Variants in EYS observed in about 807,000 individuals in gnomAD.
EYS encodes the protein protein eyes shut homolog.
Under a neutral mutation model 282.1 loss-of-function variants are expected in EYS, and 250 were observed. The observed-to-expected ratio is 0.89, with a 90% confidence interval of 0.80 to 0.98. The LOEUF (loss-of-function observed/expected upper bound fraction) is 0.98. Among genes scored for constraint, EYS ranks in the 50% least tolerant of loss-of-function variants. EYS has a pLI of 0.00. For missense variants in EYS, 4,016 were observed against 3,709.0 expected (o/e 1.08, Z -2.15); for synonymous variants, 1,355 against 1,282.9 (o/e 1.06, Z -1.20).
intron 35 of EYS, among the ~76,000 whole-genome samples, chr6:63,979,224 AT>A (rs1338603393): frequency 2.0e-5 from 3 of 151,906 alleles, no homozygotes; most frequent in Non-Finnish European, 2.9e-5. Context: ...ATTTGTTTAC[AT>A]TTTGTCAGTG....
At chr6:64,977,704 G>T (rs1179707218) in intron 14 of EYS, among the ~76,000 whole-genome samples, 1 of 150,488 alleles carries the variant, frequency 6.6e-6, no homozygotes, top group East Asian at 2.0e-4. Context: ...AATTTAAATT[G>T]CCCCTCCAGT....
At chr6:63,774,487 A>C (rs1356733781) in intron 40 of EYS, among the ~76,000 whole-genome samples, 2 of 152,064 alleles carry the variant, frequency 1.3e-5, no homozygotes, top group Non-Finnish European at 2.9e-5. Context: ...GTTTTTCTTA[A>C]AGGGACACAT....
chr6:65,507,205 AG>A (rs1226690781), intron 2 of EYS, among the ~76,000 whole-genome samples: 1 of 152,004 alleles, frequency 6.6e-6, no homozygotes, highest in Non-Finnish European at 1.5e-5. Context: ...ATAGAATTCT[AG>A]GTTAGTGGGC....
chr6:64,804,421 T>C (rs959681572), intron 22 of EYS, among the ~76,000 whole-genome samples: 8 of 152,162 alleles, frequency 5.3e-5, no homozygotes, highest in Admixed American at 4.6e-4. Context: ...GTGAACCATT[T>C]TTTACTATTT....
chr6:65,250,709 G>C (rs1767297734), intron 12 of EYS, among the ~76,000 whole-genome samples: 1 of 151,520 alleles, frequency 6.6e-6, no homozygotes, highest in African/African-American at 2.4e-5. Flanking sequence ...CAACAATACA[G>C]ATGACCAAAT....
intron 1 of EYS, among the ~76,000 whole-genome samples, chr6:65,688,540 G>T (rs556128168): frequency 1.1e-3 from 169 of 151,852 alleles, no homozygotes; most frequent in Middle Eastern, 0.01. Flanking sequence ...CACCAAAAGC[G>T]ATGGCAACAA....
At chr6:65,084,930 C>T (rs547398225) in intron 12 of EYS, among the ~76,000 whole-genome samples, 28 of 152,156 alleles carry the variant, frequency 1.8e-4, no homozygotes, top group Admixed American at 6.6e-4. Flanking sequence ...AACACCTCAT[C>T]CTGCTGTCTA....
At chr6:64,407,642 T>C (rs1773761755) in intron 28 of EYS, among the ~76,000 whole-genome samples, 1 of 152,188 alleles carries the variant, frequency 6.6e-6, no homozygotes, top group Admixed American at 6.6e-5. Flanking sequence ...TTTTATATGC[T>C]ATTTTAAGAA....
At chr6:65,490,939 T>C (rs1317858357) in intron 4 of EYS, among the ~76,000 whole-genome samples, 1 of 152,134 alleles carries the variant, frequency 6.6e-6, no homozygotes, top group Non-Finnish European at 1.5e-5. Context: ...TTTTCTGGCT[T>C]GTAGTATTTG....
chr6:64,232,706 AAAG>A (rs1766463267), intron 30 of EYS, among the ~76,000 whole-genome samples: 1 of 152,160 alleles, frequency 6.6e-6, no homozygotes, highest in South Asian at 2.1e-4. Flanking sequence ...CCACACTACT[AAAG>A]AAGAACAATA....
chr6:64,481,286 A>G (rs1287437569), intron 26 of EYS, among the ~76,000 whole-genome samples: 1 of 147,952 alleles, frequency 6.8e-6, no homozygotes, highest in African/African-American at 2.5e-5. Context: ...ATATATATAT[A>G]TATATATATA....
intron 31 of EYS, among the ~76,000 whole-genome samples, chr6:64,174,173 A>T (rs1764558946): frequency 6.6e-6 from 1 of 152,120 alleles, no homozygotes; most frequent in South Asian, 2.1e-4. Context: ...TTTAAATAAA[A>T]TATCTGGCCA....
In EYS at chr6:64,590,227, A is replaced by T. The variant is rs2149830876; in HGVS notation, c.5640T>A (p.Ile1880=). Residue 1880 remains isoleucine, a synonymous_variant, in exon 26 of 43, where the codon ATT becomes ATA. Transcript: ENST00000503581. ...ESILAPQRLM[I]SDFSCVRYYG... is the part of the protein sequence containing the mutation. Reference sequence around the variant, plus strand: ...AACAGAAACTGAGAAACTCACCAGAAATCATCAGCCGTTGAGGTGCCAGAA... The same window carrying T: ...AACAGAAACTGAGAAACTCACCAGATATCATCAGCCGTTGAGGTGCCAGAA... The T allele has an allele frequency of 6.5e-7, 1 of 1,533,604 alleles. No homozygotes were observed. Among genetic ancestry groups the T allele is most frequent in the South Asian group, 1.2e-5 (1 of 81,254 alleles). 95.0% of individuals were successfully genotyped at this position (1,533,604 alleles called of 1,614,324 possible). A position where few individuals can be genotyped will look rare whatever the true frequency, so the allele number is the denominator to read the frequency against.
At chr6:63,923,853 T>A (rs1764641361) in intron 35 of EYS, among the ~76,000 whole-genome samples, 1 of 152,226 alleles carries the variant, frequency 6.6e-6, no homozygotes, top group African/African-American at 2.4e-5. Context: ...CCTGCATTAA[T>A]TTGCTTAGAA....
intron 7 of EYS, among the ~76,000 whole-genome samples, chr6:65,398,767 C>T (rs1766383719): frequency 6.6e-6 from 1 of 152,104 alleles, no homozygotes; most frequent in Non-Finnish European, 1.5e-5. Context: ...AATATCTCTA[C>T]TTGGCTCTAT....
chr6:64,544,233 A>G (rs1764779281), intron 26 of EYS, among the ~76,000 whole-genome samples: 1 of 152,208 alleles, frequency 6.6e-6, no homozygotes, highest in Admixed American at 6.5e-5. Flanking sequence ...CTAAGAGAAT[A>G]CAATTTGGAA....
intron 31 of EYS, among the ~76,000 whole-genome samples, chr6:64,082,706 T>C (rs1390929249): frequency 6.6e-6 from 1 of 152,118 alleles, no homozygotes; most frequent in Admixed American, 6.5e-5. Flanking sequence ...ATATGCAAGG[T>C]TATTAGTTTT....
chr6:65,259,240 C>T (rs1405790277), intron 12 of EYS, among the ~76,000 whole-genome samples: 1 of 151,966 alleles, frequency 6.6e-6, no homozygotes, highest in Admixed American at 6.6e-5. Context: ...AGAGTCATTG[C>T]TCCACCCATG....
intron 35 of EYS, among the ~76,000 whole-genome samples, chr6:63,962,687 G>A (rs550234188): frequency 1.9e-4 from 29 of 152,298 alleles, no homozygotes; most frequent in Admixed American, 1.8e-3. Flanking sequence ...CAACCATTGT[G>A]GAAGTCAGTG....
Sources: allele counts gnomAD v4.1 joint callset (sites outside exome capture counted in the v4.1 genomes callset), GRCh38; gene constraint gnomAD v4.1.1; transcripts MANE v1.5; gene names NCBI Gene and HGNC (gene_info 2026-07-23, HGNC 2026-07-21).